MTUS2: variants seen among roughly 807,000 people sequenced by gnomAD.
MTUS2 encodes the protein microtubule associated scaffold protein 2, also known as microtubule-associated tumor suppressor candidate 2.
In MTUS2, 40 loss-of-function variants were observed where a neutral mutation model predicts 114.1. The observed-to-expected ratio is 0.35, with a 90% confidence interval of 0.27 to 0.46. The LOEUF is 0.46. Ranked by LOEUF, MTUS2 falls within the 20% of genes least tolerant of loss-of-function variation. The pLI, the probability that MTUS2 is intolerant of heterozygous loss-of-function variation, is 1.00. For missense variants in MTUS2, 1,679 were observed against 1,705.4 expected, an observed-to-expected ratio of 0.98 and a Z score of 0.27; for synonymous variants, 688 against 672.0, an observed-to-expected ratio of 1.02 and a Z score of -0.37.
Position 29,025,702 on chromosome 13 carries a change from A to G in MTUS2, c.1004A>G (p.His335Arg). The G allele has an allele frequency of 3.1e-6, 5 of 1,613,994 alleles. No homozygotes were observed. Among genetic ancestry groups the G allele is most frequent in the Non-Finnish European group, 3.4e-6 (4 of 1,179,882 alleles). Residue 335 changes from histidine (H) to arginine (R), a missense_variant, in exon 3 of 16, where the codon CAC becomes CGC. Physicochemically the swap from His to Arg is conservative, Grantham distance 29. Around this residue, in one of 3 missense-constraint regions of MTUS2, gnomAD observed 843 missense variants for 770.8 expected, o/e 1.09. Coordinates refer to ENST00000612955, the MANE Select transcript of MTUS2 (RefSeq NM_001033602.4). The part of the protein sequence containing the change: ...KAAQEGYLGC[H>R]KEENLSALEG... Reference sequence around the variant, plus strand: ...GCCCAGGAAGGGTATCTGGGATGCCACAAGGAAGAGAATCTGTCAGCCTTG... The same window carrying G: ...GCCCAGGAAGGGTATCTGGGATGCCGCAAGGAAGAGAATCTGTCAGCCTTG...
At chr13:29,264,808 C>T (rs2139477994) in intron 5 of MTUS2, among the ~76,000 whole-genome samples, 1 of 152,368 alleles carries the variant, frequency 6.6e-6, no homozygotes, top group Admixed American at 6.5e-5. Flanking sequence ...GCCTGGCCCA[C>T]AAAACCATTC....
chr13:29,026,504 C>T lies in MTUS2; in HGVS notation c.1806C>T (p.Phe602=). 4 of 1,614,010 alleles carry T rather than the reference C, an allele frequency of 2.5e-6. No homozygotes were observed. Among genetic ancestry groups the T allele is most frequent in the Non-Finnish European group, 3.4e-6 (4 of 1,179,882 alleles). ...CCAGTGGGATCCCCAAGCCTGTCTT[C>T]ACACATTCCAAGGACACACCTTCCT... ...TCPSGIPKPV[F]THSKDTPSSQ... Residue 602 remains phenylalanine (F), a synonymous_variant, in exon 3 of 16, where the codon TTC becomes TTT. Transcript: ENST00000612955.
chr13:29,360,699 C>CA (rs1182155605), intron 8 of MTUS2, among the ~76,000 whole-genome samples: 4 of 137,328 alleles, frequency 2.9e-5, no homozygotes, highest in Non-Finnish European at 6.3e-5. Context: ...CCCCCCCCCC[C>CA]CCGTAAGAAT....
chr13:29,331,480 A>G (rs1900776396), intron 7 of MTUS2, among the ~76,000 whole-genome samples: 1 of 152,136 alleles, frequency 6.6e-6, no homozygotes, highest in African/African-American at 2.4e-5. Flanking sequence ...TTCATATGGA[A>G]CCAAAAAAGA....
chr13:29,421,874 G>A (rs773528509), intron 8 of MTUS2, among the ~76,000 whole-genome samples: 1 of 152,146 alleles, frequency 6.6e-6, no homozygotes, highest in Admixed American at 6.5e-5. Context: ...AATGACGGAG[G>A]GCAGGGGAGG....
chr13:29,032,060 G>A (rs953212701), intron 3 of MTUS2, among the ~76,000 whole-genome samples: 1 of 152,248 alleles, frequency 6.6e-6, no homozygotes, highest in African/African-American at 2.4e-5. Flanking sequence ...GTTTCCAAAC[G>A]TTGTTTTATG....
intron 5 of MTUS2, 28 bp downstream of exon 5, chr13:29,100,998 CCTT>C (rs1566008973): frequency 2.7e-6 from 4 of 1,508,318 alleles, no homozygotes; most frequent in Non-Finnish European, 3.6e-6. Context: ...GGGTGGGGTG[CCTT>C]CACTGAATTA....
At chr13:29,003,331 T>G (rs1369898639) in intron 2 of MTUS2, among the ~76,000 whole-genome samples, 1 of 152,222 alleles carries the variant, frequency 6.6e-6, no homozygotes, top group African/African-American at 2.4e-5. Flanking sequence ...CCAGCTCAAG[T>G]GCATCCAGCT....
At chr13:29,248,716 G>T (rs1897015610) in intron 5 of MTUS2, among the ~76,000 whole-genome samples, 1 of 152,214 alleles carries the variant, frequency 6.6e-6, no homozygotes, top group Non-Finnish European at 1.5e-5. Flanking sequence ...TTATGAGTGA[G>T]AACATGTGGT....
chr13:29,079,396 C>A (rs751896142), intron 4 of MTUS2, among the ~76,000 whole-genome samples: 14 of 151,994 alleles, frequency 9.2e-5, no homozygotes, highest in Non-Finnish European at 1.6e-4. Context: ...TCCTTTGAAG[C>A]ACAAAAACTT....
At chr13:29,234,883 T>G (rs1896473972) in intron 5 of MTUS2, among the ~76,000 whole-genome samples, 1 of 152,070 alleles carries the variant, frequency 6.6e-6, no homozygotes, top group Non-Finnish European at 1.5e-5. Flanking sequence ...GTCTCTTATG[T>G]TTTCAGTTAA....
intron 6 of MTUS2, among the ~76,000 whole-genome samples, chr13:29,284,985 C>T (rs61948173): frequency 0.24 from 35,672 of 151,742 alleles, 4,296 homozygotes; most frequent in East Asian, 0.39. Context: ...AAATGTAGAT[C>T]CTAGAACATC....
intron 2 of MTUS2, among the ~76,000 whole-genome samples, chr13:28,867,518 A>C (rs1018217396): frequency 2.0e-5 from 3 of 152,208 alleles, no homozygotes; most frequent in African/African-American, 7.2e-5. Context: ...CTTTTCTGCC[A>C]AATATCAGCT....
chr13:29,373,705 G>A (rs1448795887), intron 8 of MTUS2, among the ~76,000 whole-genome samples: 2 of 152,212 alleles, frequency 1.3e-5, no homozygotes, highest in African/African-American at 4.8e-5. Flanking sequence ...CAGAAGGCTG[G>A]ATGGAACTGA....
At chr13:29,125,977 G>T (rs796400447) in intron 5 of MTUS2, among the ~76,000 whole-genome samples, 3 of 152,258 alleles carry the variant, frequency 2.0e-5, no homozygotes, top group African/African-American at 7.2e-5. Flanking sequence ...AGCCATAATT[G>T]GGGATTCTCT....
chr13:29,028,445 G>A (rs1011801588), intron 3 of MTUS2, among the ~76,000 whole-genome samples: 3 of 152,056 alleles, frequency 2.0e-5, no homozygotes, highest in Non-Finnish European at 4.4e-5. Flanking sequence ...GGATGGCTCT[G>A]CCTTTAGGAT....
chr13:28,945,527 G>A (rs555238892), intron 2 of MTUS2, among the ~76,000 whole-genome samples: 1 of 152,126 alleles, frequency 6.6e-6, no homozygotes, highest in Non-Finnish European at 1.5e-5. Context: ...CATCTGACTG[G>A]TGTAAGATGA....
chr13:29,451,689 A>G (rs1878694770), intron 9 of MTUS2, among the ~76,000 whole-genome samples: 1 of 152,046 alleles, frequency 6.6e-6, no homozygotes, highest in South Asian at 2.1e-4. Context: ...GATTCAAGCA[A>G]TTCTCCTGCC....
chr13:29,123,198 C>T (rs758279906), intron 5 of MTUS2, among the ~76,000 whole-genome samples: 9 of 152,018 alleles, frequency 5.9e-5, no homozygotes, highest in Admixed American at 5.9e-4. Context: ...TAAATAGTAT[C>T]CCTTTTGCTT....
Sources: gnomAD v4.1 joint callset for allele counts (sites outside exome capture counted in the v4.1 genomes callset) on GRCh38, gnomAD v4.1.1 for gene constraint, gnomAD v4.1.1 regional missense constraint, MANE v1.5 for transcripts, NCBI Gene and HGNC (gene_info 2026-07-23, HGNC 2026-07-21) for gene names.